The following SLC35F4 variants were observed in gnomAD, a reference collection of about 807,000 sequenced individuals.
SLC35F4 encodes solute carrier family 35 member F4.
Under a neutral mutation model 44.2 loss-of-function variants are expected in SLC35F4, and 24 were observed. The observed-to-expected ratio is 0.54, with a 90% CI of 0.39 to 0.76. The LOEUF is 0.76. Among genes scored for constraint, SLC35F4 ranks in the 30% least tolerant of loss-of-function variants. SLC35F4 has a pLI of 0.00. For synonymous variants in SLC35F4, 238 were observed against 223.6 expected (o/e 1.06, Z -0.57); for missense variants, 562 against 586.1 (o/e 0.96, Z 0.42).
chr14:57,655,198 C>CT (rs199647587), intron 1 of SLC35F4, among the ~76,000 whole-genome samples: 9 of 152,000 alleles, frequency 5.9e-5, no homozygotes, highest in Non-Finnish European at 1.0e-4. Flanking sequence ...TCAGTCCTTC[C>CT]TTTTTTTAAA....
chr14:57,618,014 C>A (rs950165164), intron 1 of SLC35F4, among the ~76,000 whole-genome samples: 1 of 152,014 alleles, frequency 6.6e-6, no homozygotes, highest in African/African-American at 2.4e-5. Flanking sequence ...ATGATGGTGT[C>A]TTATGATGAG....
intron 1 of SLC35F4, among the ~76,000 whole-genome samples, chr14:57,883,861 T>C (rs1888593002): frequency 6.6e-6 from 1 of 152,228 alleles, no homozygotes; most frequent in African/African-American, 2.4e-5. Flanking sequence ...CTAATCTTTC[T>C]AGGTCCATCT....
At chr14:57,861,874 C>A (rs1309134656) in intron 1 of SLC35F4, among the ~76,000 whole-genome samples, 1 of 152,102 alleles carries the variant, frequency 6.6e-6, no homozygotes, top group East Asian at 1.9e-4. Context: ...AAATTCAATT[C>A]TTCTGCCTCT....
chr14:57,724,045 C>T (rs1272103664), intron 1 of SLC35F4, among the ~76,000 whole-genome samples: 1 of 152,186 alleles, frequency 6.6e-6, no homozygotes, highest in Non-Finnish European at 1.5e-5. Context: ...AAAAAAGAGG[C>T]ACAATGCTTA....
intron 1 of SLC35F4, among the ~76,000 whole-genome samples, chr14:57,694,270 T>G (rs2140341791): frequency 6.6e-6 from 1 of 152,320 alleles, no homozygotes; most frequent in East Asian, 1.9e-4. Flanking sequence ...CTTTGCTTCG[T>G]TGTTTTCAAC....
chr14:57,756,630 C>T (rs1320723538), intron 1 of SLC35F4, among the ~76,000 whole-genome samples: 2 of 151,638 alleles, frequency 1.3e-5, no homozygotes, highest in Non-Finnish European at 2.9e-5. Context: ...CTTCTATATC[C>T]TTACTGACTT....
chr14:57,836,587 G>T (rs901394766), intron 1 of SLC35F4, among the ~76,000 whole-genome samples: 22 of 152,216 alleles, frequency 1.4e-4, no homozygotes, highest in African/African-American at 5.1e-4. Context: ...CACTGCGCCG[G>T]CCTGAAATTT....
intron 1 of SLC35F4, among the ~76,000 whole-genome samples, chr14:57,828,620 C>A (rs1884035296): frequency 1.3e-5 from 2 of 152,156 alleles, no homozygotes; most frequent in South Asian, 4.1e-4. Flanking sequence ...GTGCTCTCTG[C>A]CAAATTCTTA....
At chr14:57,683,334 C>T (rs944851058) in intron 1 of SLC35F4, among the ~76,000 whole-genome samples, 15 of 152,122 alleles carry the variant, frequency 9.9e-5, no homozygotes, top group Middle Eastern at 3.2e-3. Context: ...GGTTTTTCTA[C>T]CACTGGACAA....
At chr14:57,758,598 T>A (rs1309432564) in intron 1 of SLC35F4, among the ~76,000 whole-genome samples, 1 of 152,138 alleles carries the variant, frequency 6.6e-6, no homozygotes, top group African/African-American at 2.4e-5. Context: ...ATAATAACTG[T>A]CTTAATGTCC....
Position 57,933,039 on chromosome 14 carries a change from C to CT in SLC35F4, n.282+48873dup, listed in dbSNP as rs565156783. ...ATAAGGGAAAGTTCTCTCCTATTTA[C>CT]TTTTTTTTTTTTTTTTTTAAGAGTC... On this transcript the variant is annotated intron_variant and non_coding_transcript_variant, in intron 1 of 1. Transcript: ENST00000556568. Among the ~76,000 whole-genome samples the CT allele has an allele frequency of 8.5e-3, 1,171 of 137,498 alleles. 8 individuals carry two copies. The highest frequency in any genetic ancestry group is 0.015 in the African/African-American group (557 of 37,756). 90.2% of individuals were successfully genotyped at this position (137,498 alleles called of 152,430 possible).
At chr14:57,868,525 G>A (rs1888229385), upstream of SLC35F4, among the ~76,000 whole-genome samples, 1 of 151,208 alleles carries the variant, frequency 6.6e-6, no homozygotes. Context: ...ACCCAGGCTG[G>A]AGTGCAATGG....
At chr14:57,581,172 G>A (rs1370317390) in intron 4 of SLC35F4, 42 bp downstream of exon 4, 1 of 1,473,120 alleles carries the variant, frequency 6.8e-7, no homozygotes, top group East Asian at 2.4e-5. Context: ...AAGGAGTTAT[G>A]AAAAAGGCAG....
At chr14:57,771,591 T>C (rs551231189) in intron 1 of SLC35F4, among the ~76,000 whole-genome samples, 2 of 152,216 alleles carry the variant, frequency 1.3e-5, no homozygotes, top group Non-Finnish European at 2.9e-5. Context: ...TTAATTAATT[T>C]ATTTACTTAT....
At chr14:57,803,307 AAAT>A (rs1880876783) in intron 1 of SLC35F4, among the ~76,000 whole-genome samples, 1 of 152,234 alleles carries the variant, frequency 6.6e-6, no homozygotes, top group Admixed American at 6.5e-5. Context: ...ACATAACACA[AAAT>A]AATAGAAGCC....
At chr14:57,884,722 ATGT>A (rs961293664) in intron 1 of SLC35F4, among the ~76,000 whole-genome samples, 67 of 152,184 alleles carry the variant, frequency 4.4e-4, no homozygotes, top group Admixed American at 1.4e-3. Flanking sequence ...TGAATATATT[ATGT>A]TGTTATTATA....
At chr14:57,741,515 T>C (rs887522639) in intron 1 of SLC35F4, among the ~76,000 whole-genome samples, 1 of 148,772 alleles carries the variant, frequency 6.7e-6, no homozygotes, top group Admixed American at 6.7e-5. Context: ...ATGAATGAAA[T>C]GAAGCGAGAA....
intron 1 of SLC35F4, among the ~76,000 whole-genome samples, chr14:57,783,405 A>G (rs1333522809): frequency 6.6e-6 from 1 of 152,116 alleles, no homozygotes; most frequent in Non-Finnish European, 1.5e-5. Context: ...TCTGGAAAAA[A>G]AAATGCCACA....
chr14:57,934,790 T>G (rs1214892239), intron 1 of SLC35F4, among the ~76,000 whole-genome samples: 1 of 152,132 alleles, frequency 6.6e-6, no homozygotes, highest in African/African-American at 2.4e-5. Flanking sequence ...AGAAACTGGG[T>G]GCAGAAAGTT....
Sources: gnomAD v4.1 joint callset for allele counts (sites outside exome capture counted in the v4.1 genomes callset) on GRCh38, gnomAD v4.1.1 for gene constraint, MANE v1.5 for transcripts, NCBI Gene and HGNC (gene_info 2026-07-23, HGNC 2026-07-21) for gene names.